The following CDKN2B-AS1 variants were observed in gnomAD, a reference collection of about 807,000 sequenced individuals.
CDKN2B-AS1 encodes CDKN2B and CDKN2A antisense cis and trans regulatory RNA 1.
At chr9:22,109,395 C>T (rs1427277363) in intron 4 of CDKN2B-AS1, among the ~76,000 whole-genome samples, 1 of 152,150 alleles carries the variant, frequency 6.6e-6, no homozygotes, top group Non-Finnish European at 1.5e-5. Flanking sequence ...ATCGCTGTCT[C>T]CCCTGACTGG....
At chr9:22,114,944 G>C (rs570874748) in intron 4 of CDKN2B-AS1, among the ~76,000 whole-genome samples, 1 of 151,982 alleles carries the variant, frequency 6.6e-6, no homozygotes, top group African/African-American at 2.4e-5. Flanking sequence ...TTAACTCATG[G>C]CCCGATGATT....
At chr9:22,115,876 T>A (rs1284532338) in intron 4 of CDKN2B-AS1, among the ~76,000 whole-genome samples, 3 of 152,200 alleles carry the variant, frequency 2.0e-5, no homozygotes, top group African/African-American at 7.2e-5. Context: ...AAATTCATAT[T>A]CATCTGAATT....
At chr9:22,074,665 T>C (rs928661764) in intron 4 of CDKN2B-AS1, among the ~76,000 whole-genome samples, 1 of 152,212 alleles carries the variant, frequency 6.6e-6, no homozygotes, top group African/African-American at 2.4e-5. Context: ...AGCGACTTTC[T>C]TGGGACTATT....
At chr9:22,029,462 C>A (rs371431965) in intron 1 of CDKN2B-AS1, 33 of 779,442 alleles carry the variant, frequency 4.2e-5, no homozygotes, top group Non-Finnish European at 5.0e-5. Flanking sequence ...TCAAAGGATT[C>A]CAAGAGAGAA....
At chr9:22,010,013 C>A (rs1019521961) in intron 1 of CDKN2B-AS1, among the ~76,000 whole-genome samples, 1 of 152,182 alleles carries the variant, frequency 6.6e-6, no homozygotes, top group Non-Finnish European at 1.5e-5. Flanking sequence ...CTTTAAGAAT[C>A]TGAGATCCCA....
chr9:22,088,186 A>G (rs1824929669), intron 4 of CDKN2B-AS1, among the ~76,000 whole-genome samples: 1 of 152,230 alleles, frequency 6.6e-6, no homozygotes, highest in African/African-American at 2.4e-5. Flanking sequence ...AAGCTCCAGG[A>G]AACCCTGAGG....
intron 1 of CDKN2B-AS1, chr9:22,029,989 C>T (rs1236710002): frequency 6.6e-6 from 1 of 152,278 alleles, no homozygotes; most frequent in African/African-American, 2.4e-5. Context: ...TTCTTACAAT[C>T]GATTTTAAGT....
chr9:22,011,942 G>T (rs984566905), intron 1 of CDKN2B-AS1, among the ~76,000 whole-genome samples: 2 of 152,192 alleles, frequency 1.3e-5, no homozygotes, highest in African/African-American at 4.8e-5. Context: ...GAAAGAAAGA[G>T]AAAGTTAATG....
intron 1 of CDKN2B-AS1, among the ~76,000 whole-genome samples, chr9:22,046,140 A>G (rs1823099922): frequency 6.6e-6 from 1 of 152,104 alleles, no homozygotes; most frequent in African/African-American, 2.4e-5. Flanking sequence ...GCTACCTCAA[A>G]GTACTGTAAT....
chr9:22,045,586 G>C (rs1008568393), intron 1 of CDKN2B-AS1, among the ~76,000 whole-genome samples: 1 of 151,978 alleles, frequency 6.6e-6, no homozygotes, highest in African/African-American at 2.4e-5. Context: ...AGCAAAACAG[G>C]CTGGGGGAAC....
chr9:22,075,640 C>CT (rs1205740402), intron 4 of CDKN2B-AS1, among the ~76,000 whole-genome samples: 3 of 152,168 alleles, frequency 2.0e-5, no homozygotes, highest in Non-Finnish European at 4.4e-5. Context: ...CTGACATGGG[C>CT]TTTCAAGTGC....
intron 1 of CDKN2B-AS1, among the ~76,000 whole-genome samples, chr9:22,031,929 TG>T (rs972065446): frequency 6.6e-6 from 1 of 152,202 alleles, no homozygotes; most frequent in Non-Finnish European, 1.5e-5. Flanking sequence ...GGGCAGCCTC[TG>T]GCCAACAGCA....
intron 4 of CDKN2B-AS1, chr9:22,065,750 C>CTG (rs1824010700): frequency 6.6e-6 from 1 of 152,206 alleles, no homozygotes; most frequent in Non-Finnish European, 1.5e-5. Context: ...TGCAGTACAA[C>CTG]ACTCCAGGTC....
At chr9:21,998,297 T>A (rs912298826) in intron 1 of CDKN2B-AS1, among the ~76,000 whole-genome samples, 4 of 152,218 alleles carry the variant, frequency 2.6e-5, no homozygotes, top group African/African-American at 9.6e-5. Context: ...CTTCAAAAAA[T>A]TAATAATGAA....
In CDKN2B-AS1 at chr9:21,995,916, G is replaced by A. The variant is rs1441205356; in HGVS notation, n.29+755G>A. The A allele has an allele frequency of 1.3e-5, 2 of 152,580 alleles. No individual in the cohort carries two copies. Among genetic ancestry groups the A allele is most frequent in the Non-Finnish European group, 2.9e-5 (2 of 68,318 alleles). 9.5% of individuals were successfully genotyped at this position (152,580 alleles called of 1,614,324 possible). ...ACCTCGCGGGCTGGACCCGCGGCCT[G>A]AGTGGGTGGGTGTGTGCCAGAGGAT... On this transcript the variant is annotated intron_variant and non_coding_transcript_variant, in intron 1 of 4. Coordinates refer to ENST00000650946, the Ensembl canonical transcript of CDKN2B-AS1. This position sits in a 1 kb window ranked among gnomAD's most constrained non-coding sequence, Gnocchi z 5.7.
intron 4 of CDKN2B-AS1, among the ~76,000 whole-genome samples, chr9:22,113,059 C>T (rs932891953): frequency 5.9e-5 from 9 of 152,140 alleles, no homozygotes; most frequent in African/African-American, 1.9e-4. Flanking sequence ...AACAAGTCAC[C>T]ACAAACTTAG....
chr9:22,041,054 T>C (rs1052966590), intron 1 of CDKN2B-AS1, among the ~76,000 whole-genome samples: 2 of 151,974 alleles, frequency 1.3e-5, no homozygotes, highest in African/African-American at 4.8e-5. Context: ...CCACTCCCTC[T>C]CTCACTAAAT....
At chr9:22,050,084 T>C (rs1823281981) in intron 3 of CDKN2B-AS1, among the ~76,000 whole-genome samples, 1 of 152,196 alleles carries the variant, frequency 6.6e-6, no homozygotes, top group Non-Finnish European at 1.5e-5. Context: ...AAGTCTGTAT[T>C]TCTCTTTTAT....
intron 4 of CDKN2B-AS1, among the ~76,000 whole-genome samples, chr9:22,098,266 T>G (rs936925800): frequency 6.6e-6 from 1 of 151,402 alleles, no homozygotes; most frequent in Admixed American, 6.6e-5. Context: ...GTATATGTAT[T>G]TATAGTAAAT....
Sources: allele counts gnomAD v4.1 joint callset (sites outside exome capture counted in the v4.1 genomes callset), GRCh38; gene constraint gnomAD v4.1.1; non-coding constraint Gnocchi (gnomAD v3.1); transcripts MANE v1.5; gene names NCBI Gene and HGNC (gene_info 2026-07-23, HGNC 2026-07-21).